KALRN: variants seen among roughly 807,000 people sequenced by gnomAD.
KALRN encodes the protein kalirin.
In KALRN, 70 loss-of-function variants were observed where a neutral mutation model predicts 353.7. That is an observed-to-expected ratio of 0.20 (90% CI 0.16 to 0.24). The LOEUF (loss-of-function observed/expected upper bound fraction) is 0.24, where lower values mean the gene tolerates loss of function less well. Ranked by LOEUF, KALRN falls within the 10% of genes least tolerant of loss-of-function variation. KALRN has a pLI of 1.00. For missense variants in KALRN, 2,791 were observed against 3,756.7 expected (o/e 0.74, Z 6.72); for synonymous variants, 1,391 against 1,434.8 (o/e 0.97, Z 0.69).
At chr3:124,102,499 T>C (rs1207044603) in intron 1 of KALRN, among the ~76,000 whole-genome samples, 1 of 152,216 alleles carries the variant, frequency 6.6e-6, no homozygotes, top group Non-Finnish European at 1.5e-5. Flanking sequence ...TAGTGTTCTG[T>C]AATTCACAAT....
chr3:124,518,505 G>T (rs755173254), intron 33 of KALRN: 1 of 1,613,506 alleles, frequency 6.2e-7, no homozygotes, highest in East Asian at 2.2e-5. Context: ...CGGGTTAGCC[G>T]TGGCACCGTT....
Position 124,060,270 on chromosome 3 carries a change from A to G in KALRN, c.73+26457A>G, listed in dbSNP as rs1022759324. ...AAGTAGAGCATTTGGGGTGGGGGCC[A>G]GATGCTCCTGGTCAGCATCAGCTCT... On this transcript the variant is annotated intron_variant, in intron 1 of 59. Transcript: ENST00000682506. Among the ~76,000 whole-genome samples, 3 of 152,200 alleles carry G rather than the reference A, an allele frequency of 2.0e-5. No individual in the cohort carries two copies. In the East Asian group the frequency reaches 5.8e-4, roughly 29 times the overall value.
intron 34 of KALRN, among the ~76,000 whole-genome samples, chr3:124,591,988 AAAG>A (rs1297486490): frequency 6.6e-6 from 1 of 152,164 alleles, no homozygotes; most frequent in Non-Finnish European, 1.5e-5. Context: ...GTGTTACATA[AAAG>A]AAGATTCAAC....
chr3:124,512,366 G>C (rs1222962595), intron 33 of KALRN, among the ~76,000 whole-genome samples: 1 of 152,116 alleles, frequency 6.6e-6, no homozygotes, highest in East Asian at 1.9e-4. Flanking sequence ...AACATGAAGG[G>C]GGTGGCCAGG....
chr3:124,722,777 G>T lies in KALRN; in HGVS notation c.*3307G>T, dbSNP rs2063375362. On this transcript the variant is annotated 3_prime_UTR_variant, in exon 60 of 60. Transcript: ENST00000682506. The stretch of plus-strand genomic sequence containing the variant: ...TCTATCATTATGATGGTAGTTCACA[G>T]TGGGAGTGAACTTTCAGCTGAAATG... The T allele has an allele frequency of 6.6e-6, 1 of 152,206 alleles. No individual in the cohort carries two copies. Among genetic ancestry groups the T allele is most frequent in the African/African-American group, 2.4e-5 (1 of 41,452 alleles). The allele number at this position is 152,206 out of a possible 1,614,324, so 9.4% of individuals were successfully genotyped here. A position where few individuals can be genotyped will look rare whatever the true frequency, so the allele number is the denominator to read the frequency against.
chr3:124,144,929 G>A (rs912399953), intron 1 of KALRN, among the ~76,000 whole-genome samples: 16 of 152,156 alleles, frequency 1.1e-4, no homozygotes, highest in African/African-American at 3.9e-4. Flanking sequence ...CTCTGTAGAA[G>A]TTGAGGCCAG....
intron 25 of KALRN, among the ~76,000 whole-genome samples, chr3:124,466,405 T>C (rs16835485): frequency 0.012 from 1,756 of 152,316 alleles, 33 homozygotes; most frequent in African/African-American, 0.038. Flanking sequence ...AGTAGATCCC[T>C]AGACAGTAAT....
At chr3:124,633,738 A>G in intron 35 of KALRN, 114 bp from the exon 36 acceptor site, 1 of 827,396 alleles carries the variant, frequency 1.2e-6, no homozygotes, top group Non-Finnish European at 1.9e-6. Flanking sequence ...TGAACAGTTA[A>G]GAGTGAGTTG....
At chr3:124,040,263 G>C (rs2039836254) in intron 1 of KALRN, among the ~76,000 whole-genome samples, 1 of 152,206 alleles carries the variant, frequency 6.6e-6, no homozygotes, top group Non-Finnish European at 1.5e-5. Context: ...TGAACTAGAG[G>C]TTCTTCTTAG....
At chr3:124,581,992 A>C (rs1205136974) in intron 34 of KALRN, among the ~76,000 whole-genome samples, 2 of 151,456 alleles carry the variant, frequency 1.3e-5, no homozygotes, top group African/African-American at 4.9e-5. Context: ...GTGAATCAGG[A>C]ATCTTGGGTG....
chr3:124,553,317 A>C (rs1311808129), intron 33 of KALRN, among the ~76,000 whole-genome samples: 1 of 152,228 alleles, frequency 6.6e-6, no homozygotes, highest in Non-Finnish European at 1.5e-5. Context: ...GATGATACAG[A>C]TAGTAGCGAT....
intron 34 of KALRN, among the ~76,000 whole-genome samples, chr3:124,567,872 G>A (rs1042035958): frequency 1.3e-5 from 2 of 152,182 alleles, no homozygotes; most frequent in African/African-American, 4.8e-5. Context: ...CTATTCAGGA[G>A]GCTGAGATGG....
chr3:124,697,348 A>G (rs2062102639), intron 54 of KALRN, among the ~76,000 whole-genome samples: 1 of 152,150 alleles, frequency 6.6e-6, no homozygotes, highest in South Asian at 2.1e-4. Flanking sequence ...TACCATCAAC[A>G]TGTTAGTTCC....
chr3:124,342,866 T>A (rs1485761120), intron 9 of KALRN, among the ~76,000 whole-genome samples: 1 of 152,134 alleles, frequency 6.6e-6, no homozygotes, highest in Non-Finnish European at 1.5e-5. Context: ...AAAAAAAATA[T>A]GTTATGTCTG....
At chr3:124,602,938 T>TG (rs752765074) in intron 34 of KALRN, among the ~76,000 whole-genome samples, 20 of 149,490 alleles carry the variant, frequency 1.3e-4, no homozygotes, top group African/African-American at 5.1e-4. Flanking sequence ...CCAGTTTTCG[T>TG]GGTTTTTTTT....
intron 33 of KALRN, among the ~76,000 whole-genome samples, chr3:124,525,918 G>A (rs2067551428): frequency 6.6e-6 from 1 of 152,182 alleles, no homozygotes; most frequent in Non-Finnish European, 1.5e-5. Context: ...TCATTAAAGA[G>A]GTGGAGGGGT....
At chr3:124,642,928 T>C (rs1354752748) in intron 37 of KALRN, among the ~76,000 whole-genome samples, 2 of 151,530 alleles carry the variant, frequency 1.3e-5, no homozygotes, top group African/African-American at 4.9e-5. Context: ...GCTATTCTTC[T>C]GCCTCAGCCA....
intron 34 of KALRN, among the ~76,000 whole-genome samples, chr3:124,623,399 TACACACACACAC>T (rs372330681): frequency 7.3e-6 from 1 of 136,442 alleles, no homozygotes. Context: ...TATTTATTTA[TACACACACACAC>T]ACACACACAC....
chr3:124,561,183 C>T (rs2071960655), intron 33 of KALRN, among the ~76,000 whole-genome samples: 2 of 152,142 alleles, frequency 1.3e-5, no homozygotes, highest in South Asian at 2.1e-4. Flanking sequence ...CCCACAAAAT[C>T]CTTCTCTCTG....
Sources: allele counts gnomAD v4.1 joint callset (sites outside exome capture counted in the v4.1 genomes callset), GRCh38; gene constraint gnomAD v4.1.1; transcripts MANE v1.5; gene names NCBI Gene and HGNC (gene_info 2026-07-23, HGNC 2026-07-21).